The following ARHGAP6 variants were observed in gnomAD, a reference collection of about 807,000 sequenced individuals.
The protein encoded by ARHGAP6 is rho GTPase-activating protein 6.
ARHGAP6 carries 16 observed loss-of-function variants against 55.7 expected under a neutral mutation model. That is an observed-to-expected ratio of 0.29 (90% CI 0.19 to 0.44). The LOEUF (loss-of-function observed/expected upper bound fraction) is 0.44, where lower values mean the gene tolerates loss of function less well. Among genes scored for constraint, ARHGAP6 ranks in the 20% least tolerant of loss-of-function variants. The pLI, the probability that ARHGAP6 is intolerant of heterozygous loss-of-function variation, is 1.00. For synonymous variants in ARHGAP6, 382 were observed against 360.9 expected, an observed-to-expected ratio of 1.06 and a Z score of -0.66; for missense variants, 698 against 808.9, an observed-to-expected ratio of 0.86 and a Z score of 1.66.
In ARHGAP6 at chrX:11,417,105, T is replaced by TAC. The variant is rs1556012597; in HGVS notation, c.589-162400_589-162399dup. 8.3e-4 allele frequency among the ~76,000 whole-genome samples: 63 copies of TAC among 75,839 alleles called. 2 individuals carry two copies. The highest frequency in any genetic ancestry group is 2.7e-3 in the African/African-American group (50 of 18,739). The allele number at this position is 75,839 out of a possible 115,157, so 65.9% of individuals were successfully genotyped here. A position where few individuals can be genotyped will look rare whatever the true frequency, so the allele number is the denominator to read the frequency against. On this transcript the variant is annotated intron_variant, in intron 1 of 12. Coordinates refer to ENST00000337414, the MANE Select transcript of ARHGAP6 (RefSeq NM_013427.3). Reference sequence around the variant, plus strand: ...ATATATATATATATATATATATATATACACATACATATATATGCATTGCTG... The same window carrying TAC: ...ATATATATATATATATATATATATATACACACATACATATATATGCATTGCTG...
chrX:11,174,634 T>C (rs1433687698), intron 8 of ARHGAP6, among the ~76,000 whole-genome samples: 2 of 48,476 alleles, frequency 4.1e-5, no homozygotes, highest in African/African-American at 1.9e-4. Flanking sequence ...TTTCTTTCTT[T>C]CTTTCTTTCT....
chrX:11,656,656 TTCTC>T, intron 1 of ARHGAP6, among the ~76,000 whole-genome samples: 1 of 111,346 alleles, frequency 9.0e-6, no homozygotes, highest in Admixed American at 9.5e-5. Flanking sequence ...CTCTCCCTCT[TTCTC>T]TCTCTCTGCC....
intron 1 of ARHGAP6, among the ~76,000 whole-genome samples, chrX:11,337,223 TATTC>T (rs1181610446): frequency 9.0e-6 from 1 of 111,475 alleles, no homozygotes; most frequent in Non-Finnish European, 1.9e-5. Flanking sequence ...TACAATATAA[TATTC>T]AATTACATTA....
chrX:11,157,267 G>A (rs2045876582), intron 9 of ARHGAP6, among the ~76,000 whole-genome samples: 1 of 112,380 alleles, frequency 8.9e-6, no homozygotes, highest in Non-Finnish European at 1.9e-5. Flanking sequence ...TATATGTTGA[G>A]ACTTTAAAAC....
At chrX:11,357,225 G>A (rs1394517328) in intron 1 of ARHGAP6, among the ~76,000 whole-genome samples, 7 of 111,531 alleles carry the variant, frequency 6.3e-5, no homozygotes, top group South Asian at 3.8e-4. Context: ...CTTATGGACC[G>A]ACCCCAAACT....
chrX:11,186,204 C>A, intron 5 of ARHGAP6, 32 bp downstream of exon 5: 1 of 1,156,680 alleles, frequency 8.6e-7, no homozygotes, highest in Admixed American at 2.3e-5. Context: ...AAATGAAAGT[C>A]CTTAGTACTT....
intron 1 of ARHGAP6, among the ~76,000 whole-genome samples, chrX:11,277,437 C>CA (rs372487424): frequency 2.4e-3 from 256 of 106,311 alleles, no homozygotes; most frequent in South Asian, 4.3e-3. Context: ...TAGCCAAAAA[C>CA]AAAAAAAAAA....
intron 1 of ARHGAP6, among the ~76,000 whole-genome samples, chrX:11,272,983 C>T (rs1419307817): frequency 3.6e-5 from 4 of 111,771 alleles, no homozygotes; most frequent in African/African-American, 9.8e-5. Context: ...GCCTCAATTA[C>T]CTGCTCTGTA....
At chrX:11,549,941 CCT>C (rs745330069) in intron 1 of ARHGAP6, among the ~76,000 whole-genome samples, 22 of 112,052 alleles carry the variant, frequency 2.0e-4, no homozygotes, top group African/African-American at 7.1e-4. Context: ...AGGATAATCC[CCT>C]GTTAGGGCAT....
chrX:11,553,690 A>AG (rs1244604652), intron 1 of ARHGAP6, among the ~76,000 whole-genome samples: 4 of 112,372 alleles, frequency 3.6e-5, no homozygotes, highest in Non-Finnish European at 7.5e-5. Flanking sequence ...CAAAAAGTCA[A>AG]GGGGGAAGGA....
chrX:11,307,012 G>A (rs1218154396), intron 1 of ARHGAP6, among the ~76,000 whole-genome samples: 2 of 111,547 alleles, frequency 1.8e-5, no homozygotes, highest in African/African-American at 6.5e-5. Context: ...AGCTTTGAGT[G>A]TGAACCTGCT....
chrX:11,428,503 G>A (rs920238105), intron 1 of ARHGAP6, among the ~76,000 whole-genome samples: 30 of 112,153 alleles, frequency 2.7e-4, no homozygotes, highest in Non-Finnish European at 5.1e-4. Flanking sequence ...TGTAATTTAC[G>A]TCCAGCCTCC....
At chrX:11,347,957 G>GA (rs2048809845) in intron 1 of ARHGAP6, among the ~76,000 whole-genome samples, 1 of 111,729 alleles carries the variant, frequency 9.0e-6, no homozygotes, top group Non-Finnish European at 1.9e-5. Context: ...CCACTTTGTG[G>GA]AAAAAATGGT....
Position 11,664,677 on chromosome X carries a change from G to C in ARHGAP6, c.152C>G (p.Ala51Gly), listed in dbSNP as rs1190955279. The change falls in exon 1 of 13, where the codon GCG becomes GGG. Residue 51 changes from alanine to glycine, a missense_variant. Coordinates refer to ENST00000337414, the MANE Select transcript of ARHGAP6 (RefSeq NM_013427.3). ...TCCCCGCGCACTGCCCTCCGCGCCC[G>C]CCTCGTCGCTCCCGCAGCCGCCGAT... is the stretch of plus-strand genomic sequence containing the variant. ...ALIGGCGSDE[A>G]GAEGSARGAT... 3 of 1,166,636 alleles carry C rather than the reference G, an allele frequency of 2.6e-6. No individual in the cohort carries two copies. The highest frequency in any genetic ancestry group is 2.6e-5 in the Admixed American group (1 of 38,635).
rs181404017 is a variant in ARHGAP6 at position 11,411,393 on chromosome X, G to A, written c.589-156686C>T. Among the ~76,000 whole-genome samples, 86 of 106,244 alleles carry A rather than the reference G, an allele frequency of 8.1e-4. 1 individual carries two copies. Among genetic ancestry groups the A allele is most frequent in the Non-Finnish European group, 1.5e-3 (77 of 51,689 alleles). The allele number at this position is 106,244 out of a possible 115,157, so 92.3% of individuals were successfully genotyped here. A position where few individuals can be genotyped will look rare whatever the true frequency, so the allele number is the denominator to read the frequency against. ...AGCATAAAATTTATGCATTTTATGT[G>A]TACAATTCAATGATATTTTAGTAAA... On this transcript the variant is annotated intron_variant, in intron 1 of 12. Coordinates refer to ENST00000337414, the MANE Select transcript of ARHGAP6 (RefSeq NM_013427.3).
At chrX:11,295,707 G>A (rs2048074006) in intron 1 of ARHGAP6, among the ~76,000 whole-genome samples, 1 of 111,622 alleles carries the variant, frequency 9.0e-6, no homozygotes, top group African/African-American at 3.3e-5. Flanking sequence ...TTTCCTCAGG[G>A]GTCCCTGCCT....
intron 9 of ARHGAP6, among the ~76,000 whole-genome samples, chrX:11,166,478 T>A (rs2046018493): frequency 8.9e-6 from 1 of 112,173 alleles, no homozygotes; most frequent in African/African-American, 3.2e-5. Flanking sequence ...TCCTTCTTTG[T>A]TTGGAATTAT....
intron 1 of ARHGAP6, among the ~76,000 whole-genome samples, chrX:11,546,946 C>A (rs146257444): frequency 7.9e-4 from 89 of 112,351 alleles, no homozygotes; most frequent in African/African-American, 2.5e-3. Flanking sequence ...TAAAACAGGG[C>A]TGAACTCAAC....
intron 1 of ARHGAP6, among the ~76,000 whole-genome samples, chrX:11,354,300 TC>T (rs2048901648): frequency 2.8e-5 from 1 of 35,726 alleles, no homozygotes; most frequent in South Asian, 3.7e-3. Context: ...TCTCTTTCTC[TC>T]TCTCTCTCTC....
Sources: gnomAD v4.1 joint callset for allele counts (sites outside exome capture counted in the v4.1 genomes callset) on GRCh38, gnomAD v4.1.1 for gene constraint, MANE v1.5 for transcripts, NCBI Gene and HGNC (gene_info 2026-07-23, HGNC 2026-07-21) for gene names.